The following FMN1 variants were observed in gnomAD, a reference collection of about 807,000 sequenced individuals.
FMN1 encodes the protein formin-1.
A neutral mutation model predicts 132.4 loss-of-function variants in FMN1; 110 were observed. The ratio of observed to expected loss-of-function variants is 0.83; its 90% CI spans 0.71 to 0.97. FMN1 has a LOEUF of 0.97. Ranked by LOEUF, FMN1 falls within the 50% of genes least tolerant of loss-of-function variation. FMN1 has a pLI of 0.00. For missense variants in FMN1, 1,792 were observed against 1,705.3 expected (o/e 1.05, Z -0.90); for synonymous variants, 722 against 651.7 (o/e 1.11, Z -1.64).
intron 4 of FMN1, among the ~76,000 whole-genome samples, chr15:33,091,696 A>G (rs2038908602): frequency 6.6e-6 from 1 of 152,242 alleles, no homozygotes; most frequent in Admixed American, 6.5e-5. Flanking sequence ...TTGGGAATGG[A>G]GAGTTTTAGT....
Position 33,065,089 on chromosome 15 carries a change from G to A in FMN1, c.2044-15C>T, listed in dbSNP as rs752203702. Reference sequence around the variant, plus strand: ...CTGTGGTCAGGCTGTTGAAAGAGCAGGCAAATAGTAAGTGGAATGTAGTCA... The same window carrying A: ...CTGTGGTCAGGCTGTTGAAAGAGCAAGCAAATAGTAAGTGGAATGTAGTCA... On this transcript the variant is annotated splice_polypyrimidine_tract_variant and intron_variant, in intron 5 of 20. Coordinates refer to ENST00000616417, the MANE Select transcript of FMN1 (RefSeq NM_001277313.2). 3.2e-6 allele frequency: 5 copies of A among 1,561,234 alleles called. No homozygotes were observed. Among genetic ancestry groups the A allele is most frequent in the Admixed American group, 1.7e-5 (1 of 57,214 alleles).
At chr15:33,073,102 C>T (rs1210360391) in intron 5 of FMN1, among the ~76,000 whole-genome samples, 1 of 152,138 alleles carries the variant, frequency 6.6e-6, no homozygotes, top group Non-Finnish European at 1.5e-5. Flanking sequence ...GAAAACTGGA[C>T]ACTGAAAGAA....
chr15:33,155,246 G>A (rs1278992728), intron 3 of FMN1, among the ~76,000 whole-genome samples: 2 of 152,022 alleles, frequency 1.3e-5, no homozygotes, highest in African/African-American at 4.8e-5. Flanking sequence ...GTATAACTGA[G>A]AGATGGGAAA....
At chr15:33,031,263 C>G (rs759728405) in intron 6 of FMN1, among the ~76,000 whole-genome samples, 1 of 152,078 alleles carries the variant, frequency 6.6e-6, no homozygotes, top group Admixed American at 6.5e-5. Context: ...TCGAGGAAGA[C>G]AAAAAACCAT....
chr15:33,140,193 A>AACACAC (rs61485667), intron 4 of FMN1, among the ~76,000 whole-genome samples: 18,078 of 142,744 alleles, frequency 0.13, 1,305 homozygotes, highest in African/African-American at 0.19. Flanking sequence ...CCTATGGTTA[A>AACACAC]ACACACACAC....
intron 9 of FMN1, among the ~76,000 whole-genome samples, chr15:32,950,886 T>C (rs915302545): frequency 6.6e-6 from 1 of 152,208 alleles, no homozygotes; most frequent in Non-Finnish European, 1.5e-5. Context: ...TTTTTGTTAT[T>C]GACACGATTC....
intron 17 of FMN1, among the ~76,000 whole-genome samples, chr15:32,831,693 A>T (rs1226762369): frequency 1.3e-5 from 2 of 152,202 alleles, no homozygotes; most frequent in Non-Finnish European, 2.9e-5. Context: ...ATAATCTCTC[A>T]GAGACTGACA....
intron 4 of FMN1, chr15:33,105,936 G>A (rs569783901): frequency 6.6e-6 from 1 of 152,104 alleles, no homozygotes; most frequent in South Asian, 2.1e-4. Context: ...ATGCCTGGTA[G>A]AGCTGAGTCT....
chr15:32,864,539 T>C (rs2059348625), intron 16 of FMN1, among the ~76,000 whole-genome samples: 2 of 152,254 alleles, frequency 1.3e-5, no homozygotes, highest in South Asian at 2.1e-4. Flanking sequence ...TGACATCATA[T>C]GCAAATTTTT....
intron 6 of FMN1, among the ~76,000 whole-genome samples, chr15:33,044,746 T>C (rs988087174): frequency 6.6e-6 from 1 of 152,056 alleles, no homozygotes; most frequent in African/African-American, 2.4e-5. Flanking sequence ...CCAAGGGTCT[T>C]CTCTCTGCTG....
intron 4 of FMN1, among the ~76,000 whole-genome samples, chr15:33,119,547 A>G (rs114898951): frequency 0.018 from 2,790 of 152,310 alleles, 81 homozygotes; most frequent in African/African-American, 0.064. Context: ...TCGCCACTTT[A>G]TAGCCCTATT....
At chr15:32,848,350 G>GTGTGTGCGCA (rs1202623304) in intron 17 of FMN1, among the ~76,000 whole-genome samples, 2 of 63,880 alleles carry the variant, frequency 3.1e-5, no homozygotes, top group East Asian at 2.9e-4. Flanking sequence ...GTGTGTGCGT[G>GTGTGTGCGCA]CACACGTGTG....
chr15:32,805,602 A>C (rs2057652632), intron 17 of FMN1, among the ~76,000 whole-genome samples: 1 of 152,202 alleles, frequency 6.6e-6, no homozygotes, highest in Non-Finnish European at 1.5e-5. Context: ...GTGGCCAAAT[A>C]ATTTATTGTT....
intron 5 of FMN1, among the ~76,000 whole-genome samples, chr15:33,075,432 G>A (rs937182660): frequency 1.3e-5 from 2 of 152,078 alleles, no homozygotes; most frequent in African/African-American, 2.4e-5. Flanking sequence ...ACACACCTCC[G>A]CATGCCCCAG....
chr15:32,879,006 G>A (rs1402241220), intron 16 of FMN1, among the ~76,000 whole-genome samples: 14 of 151,954 alleles, frequency 9.2e-5, no homozygotes, highest in Admixed American at 1.3e-4. Flanking sequence ...TTAATTAAAC[G>A]GATGAATCAA....
chr15:33,134,045 C>A (rs1341434450), intron 4 of FMN1, among the ~76,000 whole-genome samples: 1 of 152,054 alleles, frequency 6.6e-6, no homozygotes, highest in Admixed American at 6.6e-5. Flanking sequence ...CCTTGAACTC[C>A]CTCAGGTGAT....
At chr15:32,819,845 T>A (rs1035983497) in intron 17 of FMN1, among the ~76,000 whole-genome samples, 4 of 152,202 alleles carry the variant, frequency 2.6e-5, no homozygotes, top group African/African-American at 9.7e-5. Context: ...TTGGCAATTA[T>A]TTTATGGTTA....
At chr15:32,914,595 C>A (rs1289702340) in intron 10 of FMN1, among the ~76,000 whole-genome samples, 4 of 152,082 alleles carry the variant, frequency 2.6e-5, no homozygotes, top group Admixed American at 2.6e-4. Context: ...GTAAATTGGA[C>A]AAAATTATAT....
intron 5 of FMN1, among the ~76,000 whole-genome samples, chr15:33,070,995 A>C (rs2037976235): frequency 6.6e-6 from 1 of 152,164 alleles, no homozygotes; most frequent in Non-Finnish European, 1.5e-5. Context: ...CCACACTCTC[A>C]ACCACTCTTC....
Sources: allele counts gnomAD v4.1 joint callset (sites outside exome capture counted in the v4.1 genomes callset), GRCh38; gene constraint gnomAD v4.1.1; transcripts MANE v1.5; gene names NCBI Gene and HGNC (gene_info 2026-07-23, HGNC 2026-07-21).